The following CFAP44 variants were observed in gnomAD, a reference collection of about 807,000 sequenced individuals.
CFAP44 encodes the protein cilia- and flagella-associated protein 44.
A neutral mutation model predicts 216.2 loss-of-function variants in CFAP44; 134 were observed. The ratio of observed to expected loss-of-function variants is 0.62; its 90% CI spans 0.54 to 0.72. CFAP44 has a LOEUF of 0.72. CFAP44 is among the 30% of genes least tolerant of loss of function. The pLI is 0.00. For missense variants in CFAP44, 2,035 were observed against 2,182.1 expected (o/e 0.93, Z 1.34); for synonymous variants, 700 against 727.6 (o/e 0.96, Z 0.61).
chr3:113,429,870 A>G (rs1298915805), intron 2 of CFAP44, among the ~76,000 whole-genome samples: 1 of 152,140 alleles, frequency 6.6e-6, no homozygotes, highest in Non-Finnish European at 1.5e-5. Context: ...AGTCTACTTA[A>G]GAGTTACCAT....
chr3:113,334,861 T>C (rs1054223107), intron 24 of CFAP44, among the ~76,000 whole-genome samples: 30 of 152,336 alleles, frequency 2.0e-4, no homozygotes, highest in East Asian at 5.8e-4. Flanking sequence ...AGGCCCTTCA[T>C]TGGGAGATCA....
intron 24 of CFAP44, among the ~76,000 whole-genome samples, chr3:113,334,312 AGAT>A (rs1293170728): frequency 1.3e-5 from 2 of 152,192 alleles, no homozygotes; most frequent in Non-Finnish European, 2.9e-5. Flanking sequence ...ATCTAGTTTA[AGAT>A]GATAGCATGA....
At chr3:113,383,345 G>A (rs1006664120) in intron 15 of CFAP44, among the ~76,000 whole-genome samples, 2 of 152,152 alleles carry the variant, frequency 1.3e-5, no homozygotes, top group Non-Finnish European at 2.9e-5. Context: ...ATCGATGGTG[G>A]TCTTGTATGC....
In CFAP44 at chr3:113,402,823, G is replaced by T. The variant is rs181003887; in HGVS notation, c.1170+1029C>A. Among the ~76,000 whole-genome samples the T allele has an allele frequency of 1.4e-4, 21 of 152,242 alleles. No individual in the cohort carries two copies. The East Asian group carries it at 3.9e-3, about 28-fold the overall frequency. On this transcript the variant is annotated intron_variant, in intron 9 of 34. Transcript: ENST00000393845. Reference sequence around the variant, plus strand: ...AATATTTAACTTCTTTTCTCCTGAGGTTTTCTCCCACTTGGTATTTAGACA... The same window carrying T: ...AATATTTAACTTCTTTTCTCCTGAGTTTTTCTCCCACTTGGTATTTAGACA...
intron 17 of CFAP44, among the ~76,000 whole-genome samples, chr3:113,379,040 T>C (rs1390444649): frequency 2.0e-5 from 3 of 152,184 alleles, no homozygotes; most frequent in Non-Finnish European, 2.9e-5. Flanking sequence ...AAGCAGATAA[T>C]AGATAATCTA....
intron 27 of CFAP44, 27 bp from the exon 28 acceptor site, chr3:113,326,667 G>A: frequency 7.2e-7 from 1 of 1,382,580 alleles, no homozygotes; most frequent in Non-Finnish European, 9.6e-7. Flanking sequence ...AAGGACAAAT[G>A]ATAAATATTT....
At chr3:113,362,219 C>T (rs1010254036) in intron 21 of CFAP44, among the ~76,000 whole-genome samples, 3 of 152,018 alleles carry the variant, frequency 2.0e-5, no homozygotes, top group Non-Finnish European at 4.4e-5. Flanking sequence ...TTGTCTGATA[C>T]AGTGTACCGG....
At chr3:113,385,940 T>C (rs978786340) in intron 15 of CFAP44, among the ~76,000 whole-genome samples, 6 of 152,000 alleles carry the variant, frequency 3.9e-5, no homozygotes, top group African/African-American at 1.2e-4. Context: ...CACTGCGCCC[T>C]GCCTCTGTTT....
At chr3:113,418,324 T>G (rs1485372136) in intron 5 of CFAP44, among the ~76,000 whole-genome samples, 1 of 152,080 alleles carries the variant, frequency 6.6e-6, no homozygotes, top group Non-Finnish European at 1.5e-5. Flanking sequence ...TGGCCTCAAG[T>G]GATCCACCCA....
At chr3:113,406,640 TAACA>T (rs966171634) in intron 8 of CFAP44, among the ~76,000 whole-genome samples, 4 of 150,376 alleles carry the variant, frequency 2.7e-5, no homozygotes, top group African/African-American at 9.8e-5. Flanking sequence ...AAAAAAAAAG[TAACA>T]AATATGTCAT....
intron 23 of CFAP44, 52 bp downstream of exon 23, chr3:113,344,464 C>T (rs1950362559): frequency 6.8e-7 from 1 of 1,469,404 alleles, no homozygotes; most frequent in Admixed American, 2.1e-5. Context: ...AGACAATTCA[C>T]TTTTGAAGTC....
intron 9 of CFAP44, 83 bp downstream of exon 9, chr3:113,403,769 A>G (rs1021357440): frequency 5.6e-6 from 8 of 1,432,500 alleles, no homozygotes; most frequent in Non-Finnish European, 7.5e-6. Flanking sequence ...TTCACAAAAT[A>G]ACCTTTATGA....
chr3:113,380,521 C>A (rs953782035), intron 16 of CFAP44, among the ~76,000 whole-genome samples: 1 of 152,050 alleles, frequency 6.6e-6, no homozygotes, highest in Non-Finnish European at 1.5e-5. Context: ...GCCATAAACT[C>A]CCGGGCTCAA....
At chr3:113,324,348 T>C (rs1197614390) in intron 28 of CFAP44, among the ~76,000 whole-genome samples, 1 of 152,090 alleles carries the variant, frequency 6.6e-6, no homozygotes, top group African/African-American at 2.4e-5. Flanking sequence ...TTCATGAATA[T>C]AGACAAAAAA....
At chr3:113,347,364 C>T (rs560077499) in intron 22 of CFAP44, among the ~76,000 whole-genome samples, 4 of 152,106 alleles carry the variant, frequency 2.6e-5, no homozygotes, top group African/African-American at 7.2e-5. Context: ...CTCAAAGTCA[C>T]GTCGCCCAAG....
intron 34 of CFAP44, among the ~76,000 whole-genome samples, chr3:113,292,771 C>T (rs543722040): frequency 2.3e-4 from 35 of 152,234 alleles, no homozygotes; most frequent in Non-Finnish European, 5.0e-4. Flanking sequence ...ACCCAACACC[C>T]TCTGCCTCTT....
chr3:113,375,356 C>T (rs1204071386), intron 17 of CFAP44, among the ~76,000 whole-genome samples: 1 of 151,724 alleles, frequency 6.6e-6, no homozygotes, highest in East Asian at 1.9e-4. Flanking sequence ...TCTTTTACTT[C>T]AATAAAAAGC....
At chr3:113,418,589 C>T (rs556853052) in intron 5 of CFAP44, among the ~76,000 whole-genome samples, 7 of 152,184 alleles carry the variant, frequency 4.6e-5, no homozygotes, top group Non-Finnish European at 1.0e-4. Flanking sequence ...GAGGCAAGGC[C>T]TCTGTCACTA....
chr3:113,319,500 A>T (rs918082107), intron 28 of CFAP44, among the ~76,000 whole-genome samples: 5 of 152,190 alleles, frequency 3.3e-5, no homozygotes, highest in Non-Finnish European at 5.9e-5. Flanking sequence ...AGACCTCAAC[A>T]TCCCACTGAC....
Sources: gnomAD v4.1 joint callset for allele counts (sites outside exome capture counted in the v4.1 genomes callset) on GRCh38, gnomAD v4.1.1 for gene constraint, MANE v1.5 for transcripts, NCBI Gene and HGNC (gene_info 2026-07-23, HGNC 2026-07-21) for gene names.